The following FAM161B variants were observed in gnomAD, a reference collection of about 807,000 sequenced individuals.
The protein encoded by FAM161B is protein FAM161B.
A neutral mutation model predicts 61.5 loss-of-function variants in FAM161B; 46 were observed. The observed-to-expected ratio is 0.75, with a 90% CI of 0.59 to 0.96. The LOEUF (loss-of-function observed/expected upper bound fraction) is 0.96, where lower values mean the gene tolerates loss of function less well. Among genes scored for constraint, FAM161B ranks in the 40% least tolerant of loss-of-function variants. The probability of loss-of-function intolerance (pLI) is 0.00; values close to 1 mark genes in which losing one functional copy is unlikely to be tolerated. For synonymous variants in FAM161B, 284 were observed against 302.7 expected, an observed-to-expected ratio of 0.94 and a Z score of 0.64; for missense variants, 774 against 800.7, an observed-to-expected ratio of 0.97 and a Z score of 0.40.
downstream of FAM161B, chr14:73,931,936 T>C: frequency 2.2e-6 from 1 of 457,178 alleles, no homozygotes; most frequent in South Asian, 1.6e-5. Context: ...TAATTCCTGC[T>C]ACCAACAACA....
rs760250036 is a variant in FAM161B, at chr14:73,938,035, ATTGC to A, written c.1474_1477del (p.Ala492CysfsTer5). On this transcript the variant is annotated frameshift_variant, in exon 6 of 9. Coordinates refer to ENST00000286544, the MANE Select transcript of FAM161B (RefSeq NM_152445.3). LOFTEE classifies it high-confidence loss of function. ...TGCACGCAAGGTCACAGATTTGGAC[ATTGC>A]TTGAGACTTCTTTTTGTGTATCTCC... is the stretch of plus-strand genomic sequence containing the variant. The A allele has an allele frequency of 2.7e-5, 44 of 1,613,836 alleles. No individual in the cohort carries two copies. The East Asian group carries it at 9.8e-4, about 36-fold the overall frequency.
chr14:73,933,155 ATTC>A lies in FAM161B; in HGVS notation c.*1098_*1100del, dbSNP rs953819315. 1.3e-5 allele frequency: 2 copies of A among 152,230 alleles called. No individual in the cohort carries two copies. Among genetic ancestry groups the A allele is most frequent in the African/African-American group, 4.8e-5 (2 of 41,468 alleles). The allele number at this position is 152,230 out of a possible 1,614,324, so 9.4% of individuals were successfully genotyped here. A position where few individuals can be genotyped will look rare whatever the true frequency, so the allele number is the denominator to read the frequency against. Reference sequence around the variant, plus strand: ...GACTGTGTTCATGGCAATTACTTGTATTCTTAGAATGCCAGTTTTTGCTTCATG... The same window carrying A: ...GACTGTGTTCATGGCAATTACTTGTATTAGAATGCCAGTTTTTGCTTCATG... On this transcript the variant is annotated 3_prime_UTR_variant, in exon 9 of 9. Transcript: ENST00000286544.
At chr14:73,945,069 G>C (rs546537945) in intron 2 of FAM161B, among the ~76,000 whole-genome samples, 184 bp from the exon 3 acceptor site, 1 of 152,298 alleles carries the variant, frequency 6.6e-6, no homozygotes, top group Non-Finnish European at 1.5e-5. Flanking sequence ...CTAATGGAAA[G>C]TCTCTTCTCA....
At chr14:73,925,407 A>T in the FAM161B span, among the ~76,000 whole-genome samples, 1 of 151,598 alleles carries the variant, frequency 6.6e-6, no homozygotes. Context: ...TGAGAGCGGC[A>T]GCTCACACCT....
chr14:73,942,259 TA>T (rs1338813281), intron 4 of FAM161B, 109 bp downstream of exon 4: 103 of 1,149,002 alleles, frequency 9.0e-5, no homozygotes, highest in Non-Finnish European at 1.1e-4. Context: ...AGCTGGTGTT[TA>T]AAAAAAAGAT....
chr14:73,924,215 G>C, the FAM161B span, among the ~76,000 whole-genome samples: 2 of 152,162 alleles, frequency 1.3e-5, no homozygotes, highest in Non-Finnish European at 2.9e-5. Context: ...ATTCTGATAA[G>C]GAGTGCGCAA....
At chr14:73,938,665 G>A (rs902926109) in intron 5 of FAM161B, among the ~76,000 whole-genome samples, 2 of 151,934 alleles carry the variant, frequency 1.3e-5, no homozygotes, top group East Asian at 1.9e-4. Context: ...CCAGCTACTC[G>A]GGAGGCTGAG....
intron 1 of FAM161B, 25 bp downstream of exon 1, chr14:73,949,948 G>A: frequency 2.5e-6 from 4 of 1,612,384 alleles, no homozygotes; most frequent in Non-Finnish European, 2.5e-6. Context: ...TCCTTTCCCG[G>A]GGGCAGTCTC....
chr14:73,931,544 G>T, downstream of FAM161B: 1 of 1,609,706 alleles, frequency 6.2e-7, no homozygotes, highest in Non-Finnish European at 8.5e-7. Context: ...GGACATGAGC[G>T]TGGGTGCTGA....
downstream of FAM161B, among the ~76,000 whole-genome samples, chr14:73,930,345 T>C (rs1594771826): frequency 6.6e-6 from 1 of 152,212 alleles, no homozygotes; most frequent in Non-Finnish European, 1.5e-5. Context: ...GTTTTTTTGG[T>C]GGATACAGTG....
intron 5 of FAM161B, among the ~76,000 whole-genome samples, chr14:73,940,145 C>T (rs972541452): frequency 2.6e-5 from 4 of 152,224 alleles, no homozygotes; most frequent in African/African-American, 9.6e-5. Context: ...TCTCCCTGGC[C>T]TAAGCTGCTG....
intron 4 of FAM161B, 129 bp from the exon 5 acceptor site, chr14:73,941,182 ATC>A (rs2056015729): frequency 8.4e-7 from 1 of 1,188,036 alleles, no homozygotes; most frequent in Non-Finnish European, 1.1e-6. Context: ...CAGTGGCGCA[ATC>A]TCGGCTCACT....
At chr14:73,942,987 C>T (rs1032972897) in intron 3 of FAM161B, among the ~76,000 whole-genome samples, 4 of 151,946 alleles carry the variant, frequency 2.6e-5, no homozygotes, top group Non-Finnish European at 4.4e-5. Flanking sequence ...AACACCACTG[C>T]CTGTGTCAAT....
At chr14:73,924,086 G>A in the FAM161B span, among the ~76,000 whole-genome samples, 1 of 152,116 alleles carries the variant, frequency 6.6e-6, no homozygotes, top group Non-Finnish European at 1.5e-5. Flanking sequence ...TTAACCAAAT[G>A]GGCATATACA....
chr14:73,948,480 C>T (rs2056087140), intron 1 of FAM161B, among the ~76,000 whole-genome samples: 1 of 152,114 alleles, frequency 6.6e-6, no homozygotes, highest in African/African-American at 2.4e-5. Context: ...TGATGAGGAG[C>T]CAGGCTTACT....
At chr14:73,934,619 T>A (rs1171237402) in intron 8 of FAM161B, among the ~76,000 whole-genome samples, 1 of 151,134 alleles carries the variant, frequency 6.6e-6, no homozygotes, top group Non-Finnish European at 1.5e-5. Context: ...TTTTTTTTTT[T>A]AACTTTTTGT....
At chr14:73,932,145 C>A, downstream of FAM161B, 1 of 377,446 alleles carries the variant, frequency 2.6e-6, no homozygotes, top group Non-Finnish European at 5.2e-6. Flanking sequence ...TCTACTTGGT[C>A]ACTTTGCTTT....
At chr14:73,947,705 G>A (rs2056078610) in intron 1 of FAM161B, among the ~76,000 whole-genome samples, 1 of 152,160 alleles carries the variant, frequency 6.6e-6, no homozygotes. Context: ...GGTTGATAAA[G>A]TCCATCAGAT....
intron 8 of FAM161B, among the ~76,000 whole-genome samples, chr14:73,934,991 G>C (rs2055958938): frequency 1.3e-5 from 2 of 151,780 alleles, no homozygotes; most frequent in South Asian, 4.2e-4. Context: ...AGACTGCAGT[G>C]AGCAGAGACT....
Sources: gnomAD v4.1 joint callset for allele counts (sites outside exome capture counted in the v4.1 genomes callset) on GRCh38, gnomAD v4.1.1 for gene constraint, MANE v1.5 for transcripts, NCBI Gene and HGNC (gene_info 2026-07-23, HGNC 2026-07-21) for gene names.